SGCD: variants seen among roughly 807,000 people sequenced by gnomAD.
The protein encoded by SGCD is sarcoglycan delta, also known as delta-sarcoglycan.
Under a neutral mutation model 36.6 loss-of-function variants are expected in SGCD, and 18 were observed. The ratio of observed to expected loss-of-function variants is 0.49; its 90% CI spans 0.34 to 0.73. SGCD has a LOEUF of 0.73. SGCD is among the 30% of genes least tolerant of loss of function. The pLI is 0.01. For missense variants in SGCD, 387 were observed against 346.7 expected, an observed-to-expected ratio of 1.12 and a Z score of -0.92; for synonymous variants, 133 against 130.6, an observed-to-expected ratio of 1.02 and a Z score of -0.12.
chr5:156,336,754 T>C (rs1353944109), intron 2 of SGCD, among the ~76,000 whole-genome samples: 1 of 152,214 alleles, frequency 6.6e-6, no homozygotes, highest in African/African-American at 2.4e-5. Context: ...GTGGGGAGGC[T>C]GAAGGTATGA....
At chr5:156,233,942 TC>T (rs1765089148) in intron 3 of SGCD, among the ~76,000 whole-genome samples, 1 of 152,204 alleles carries the variant, frequency 6.6e-6, no homozygotes, top group Admixed American at 6.5e-5. Flanking sequence ...TTGTTTTTTC[TC>T]AAAAACTTTT....
At chr5:156,230,242 A>C (rs1194510472) in intron 3 of SGCD, among the ~76,000 whole-genome samples, 1 of 151,788 alleles carries the variant, frequency 6.6e-6, no homozygotes, top group Non-Finnish European at 1.5e-5. Context: ...TTTTTTGTGG[A>C]GTGTTAAAGA....
At chr5:155,741,687 CTTT>C in the SGCD span, among the ~76,000 whole-genome samples, 22 of 132,270 alleles carry the variant, frequency 1.7e-4, no homozygotes, top group East Asian at 4.4e-4. Context: ...CTTTTCTTTT[CTTT>C]TTTTTTTTTT....
chr5:156,021,344 A>T (rs1759092194), intron 1 of SGCD, among the ~76,000 whole-genome samples: 1 of 152,146 alleles, frequency 6.6e-6, no homozygotes, highest in South Asian at 2.1e-4. Flanking sequence ...GAGTAGAAAC[A>T]CCTTAATTAG....
chr5:155,756,393 T>C, the SGCD span, among the ~76,000 whole-genome samples: 1 of 152,244 alleles, frequency 6.6e-6, no homozygotes, highest in Non-Finnish European at 1.5e-5. Flanking sequence ...AAAATCTTTC[T>C]GCCTTGTTGC....
the SGCD span, among the ~76,000 whole-genome samples, chr5:155,758,126 C>T: frequency 6.6e-6 from 1 of 152,072 alleles, no homozygotes; most frequent in Admixed American, 6.6e-5. Context: ...TATAGTCCTC[C>T]TCTGGTGTTG....
intron 3 of SGCD, among the ~76,000 whole-genome samples, chr5:156,395,146 G>C (rs1481611328): frequency 2.0e-5 from 3 of 152,236 alleles, no homozygotes; most frequent in Admixed American, 2.0e-4. Context: ...GCTGTCGTAA[G>C]AGAGTCAAGC....
chr5:155,995,986 CAAAAAAAAAAA>C (rs753195795), intron 1 of SGCD, among the ~76,000 whole-genome samples: 4 of 46,272 alleles, frequency 8.6e-5, no homozygotes, highest in Admixed American at 5.2e-4. Flanking sequence ...CAGACCACAC[CAAAAAAAAAAA>C]AAAAAAAAAA....
intron 4 of SGCD, among the ~76,000 whole-genome samples, chr5:156,582,822 C>T (rs572425779): frequency 1.3e-3 from 187 of 146,494 alleles, no homozygotes; most frequent in Non-Finnish European, 1.8e-3. Flanking sequence ...TGTGCACGCG[C>T]ACACACACAC....
At chr5:156,695,112 T>TTGTGTGTGTGTG (rs370137233) in intron 7 of SGCD, among the ~76,000 whole-genome samples, 1 of 128,912 alleles carries the variant, frequency 7.8e-6, no homozygotes, top group African/African-American at 2.8e-5. Context: ...GGTACTGTGT[T>TTGTGTGTGTGTG]TGTGTGTGTG....
rs574624607 is a variant in SGCD at position 156,045,335 on chromosome 5, A to G, written c.-281-72543A>G. Among the ~76,000 whole-genome samples the G allele has an allele frequency of 6.6e-5, 10 of 152,278 alleles. No individual in the cohort carries two copies. The South Asian group carries it at 1.0e-3, about 16-fold the overall frequency. ...TTTACAGCGTAAGATAATACTATAC[A>G]TACTGTTTTGTGATCTGTGCATTTT... On this transcript the variant is annotated intron_variant, in intron 1 of 9. Coordinates refer to the SGCD transcript ENST00000517913.
chr5:156,656,029 G>A (rs142983402), intron 7 of SGCD, among the ~76,000 whole-genome samples: 12 of 151,956 alleles, frequency 7.9e-5, no homozygotes, highest in African/African-American at 2.9e-4. Context: ...GGAAGTAGAC[G>A]GTAAAATCTT....
chr5:156,150,233 G>T (rs942540201), intron 3 of SGCD, among the ~76,000 whole-genome samples: 21 of 147,834 alleles, frequency 1.4e-4, no homozygotes, highest in African/African-American at 5.6e-4. Context: ...AGCAACTAAA[G>T]CCTTTGCCGG....
At chr5:156,598,261 G>C (rs149709329) in intron 6 of SGCD, among the ~76,000 whole-genome samples, 30 of 152,200 alleles carry the variant, frequency 2.0e-4, no homozygotes, top group African/African-American at 7.2e-4. Context: ...AGAGCACTTT[G>C]GGCCAGGCGC....
chr5:156,168,760 A>G (rs1763271782), intron 3 of SGCD, among the ~76,000 whole-genome samples: 1 of 152,334 alleles, frequency 6.6e-6, no homozygotes, highest in Admixed American at 6.5e-5. Flanking sequence ...TGAACTGCCA[A>G]TTCAATTTAA....
intron 1 of SGCD, among the ~76,000 whole-genome samples, chr5:155,963,684 T>C (rs1757838598): frequency 6.6e-6 from 1 of 152,122 alleles, no homozygotes; most frequent in East Asian, 1.9e-4. Flanking sequence ...TTTACAAAAT[T>C]CCATGACCAA....
chr5:156,340,441 A>T (rs1232375037), intron 2 of SGCD, among the ~76,000 whole-genome samples: 1 of 152,188 alleles, frequency 6.6e-6, no homozygotes, highest in African/African-American at 2.4e-5. Flanking sequence ...CCTAGAAGAC[A>T]TTCCTATACC....
At chr5:155,755,025 T>A in the SGCD span, among the ~76,000 whole-genome samples, 2 of 152,172 alleles carry the variant, frequency 1.3e-5, no homozygotes, top group African/African-American at 2.4e-5. Flanking sequence ...CTGCCACCTC[T>A]GAACTGTGAT....
chr5:155,826,912 T>G, the SGCD span, among the ~76,000 whole-genome samples: 1 of 152,186 alleles, frequency 6.6e-6, no homozygotes, highest in Non-Finnish European at 1.5e-5. Flanking sequence ...GAACTGGGCC[T>G]TGTGCTGGTT....
Sources: gnomAD v4.1 joint callset for allele counts (sites outside exome capture counted in the v4.1 genomes callset) on GRCh38, gnomAD v4.1.1 for gene constraint, MANE v1.5 for transcripts, NCBI Gene and HGNC (gene_info 2026-07-23, HGNC 2026-07-21) for gene names.